KCNN2: variants seen among roughly 807,000 people sequenced by gnomAD.
The protein encoded by KCNN2 is potassium calcium-activated channel subfamily N member 2, also known as small conductance calcium-activated potassium channel protein 2.
In KCNN2, 24 loss-of-function variants were observed where a neutral mutation model predicts 55.5. The ratio of observed to expected loss-of-function variants is 0.43; its 90% CI spans 0.31 to 0.61. The LOEUF (loss-of-function observed/expected upper bound fraction) is 0.61. Ranked by LOEUF, KCNN2 falls within the 20% of genes least tolerant of loss-of-function variation. The pLI is 0.08. For missense variants in KCNN2, 754 were observed against 853.6 expected (o/e 0.88, Z 1.45); for synonymous variants, 431 against 336.1 (o/e 1.28, Z -3.09).
At chr5:114,287,809 AG>A (rs1265834403) in intron 2 of KCNN2, among the ~76,000 whole-genome samples, 16 of 151,826 alleles carry the variant, frequency 1.1e-4, no homozygotes, top group African/African-American at 2.7e-4. Flanking sequence ...CTAACTAGAT[AG>A]GGTTGATGGT....
chr5:114,102,251 A>G (rs1751387908), intron 1 of KCNN2, among the ~76,000 whole-genome samples: 1 of 150,742 alleles, frequency 6.6e-6, no homozygotes, highest in African/African-American at 2.4e-5. Context: ...GTGTCTGTTC[A>G]TATCCTTCAT....
chr5:114,099,046 C>G (rs1056818557), intron 1 of KCNN2, among the ~76,000 whole-genome samples: 1 of 152,112 alleles, frequency 6.6e-6, no homozygotes, highest in African/African-American at 2.4e-5. Flanking sequence ...AGCAATTTTA[C>G]CACATATTAG....
intron 1 of KCNN2, among the ~76,000 whole-genome samples, chr5:114,159,933 G>T (rs1459754781): frequency 6.6e-6 from 1 of 151,982 alleles, no homozygotes; most frequent in Non-Finnish European, 1.5e-5. Flanking sequence ...TATCAATTTT[G>T]TTGATCGTTT....
At chr5:114,137,422 C>T (rs980293931) in intron 1 of KCNN2, among the ~76,000 whole-genome samples, 1 of 152,130 alleles carries the variant, frequency 6.6e-6, no homozygotes, top group Non-Finnish European at 1.5e-5. Context: ...ATGCACACAT[C>T]ACAGGGGGAG....
intron 1 of KCNN2, among the ~76,000 whole-genome samples, chr5:114,185,068 T>A (rs1224931914): frequency 6.6e-6 from 1 of 152,136 alleles, no homozygotes; most frequent in African/African-American, 2.4e-5. Context: ...AAATTCTTGG[T>A]TGTTGATGAA....
chr5:114,487,795 G>A (rs982508553), intron 6 of KCNN2, among the ~76,000 whole-genome samples: 12 of 152,010 alleles, frequency 7.9e-5, no homozygotes, highest in Non-Finnish European at 4.4e-5. Flanking sequence ...TTTCTCCTCC[G>A]GGCTGGCATA....
intron 2 of KCNN2, among the ~76,000 whole-genome samples, chr5:114,243,996 C>A (rs1394912728): frequency 6.6e-6 from 1 of 152,174 alleles, no homozygotes; most frequent in Non-Finnish European, 1.5e-5. Context: ...TGTAAGACAA[C>A]TACAGTAAAT....
At chr5:114,100,642 A>T (rs1442804663) in intron 1 of KCNN2, among the ~76,000 whole-genome samples, 1 of 152,108 alleles carries the variant, frequency 6.6e-6, no homozygotes, top group Admixed American at 6.6e-5. Flanking sequence ...GCCAAGAGGC[A>T]ATGAGTCCCC....
intron 1 of KCNN2, among the ~76,000 whole-genome samples, chr5:114,111,239 C>A (rs1294398491): frequency 1.3e-5 from 2 of 152,146 alleles, no homozygotes; most frequent in Non-Finnish European, 2.9e-5. Flanking sequence ...AAAGGATTCC[C>A]TCTTTAATAA....
exon 1 of KCNN2, chr5:114,056,128 G>C (rs1375513139): frequency 2.6e-6 from 1 of 380,468 alleles, no homozygotes; most frequent in South Asian, 1.5e-4. Context: ...ACCGAAGCAG[G>C]GGCAGCCAGG....
At chr5:114,440,715 A>G (rs146565077) in intron 3 of KCNN2, among the ~76,000 whole-genome samples, 125 of 152,250 alleles carry the variant, frequency 8.2e-4, no homozygotes, top group African/African-American at 3.0e-3. Flanking sequence ...CTAAGTCTAC[A>G]ATCAAGTATG....
At chr5:114,330,134 C>A (rs1756788062) in intron 2 of KCNN2, among the ~76,000 whole-genome samples, 2 of 152,208 alleles carry the variant, frequency 1.3e-5, no homozygotes, top group Admixed American at 1.3e-4. Context: ...ACAACCTTGA[C>A]CTTTTTCTAG....
intron 2 of KCNN2, among the ~76,000 whole-genome samples, chr5:114,294,860 T>C (rs977976484): frequency 1.3e-5 from 2 of 152,190 alleles, no homozygotes; most frequent in African/African-American, 4.8e-5. Context: ...GGTGCTCCTG[T>C]ATTGGGTGCA....
intron 2 of KCNN2, among the ~76,000 whole-genome samples, chr5:114,310,348 C>T (rs550318519): frequency 4.6e-5 from 7 of 152,236 alleles, no homozygotes; most frequent in African/African-American, 1.7e-4. Flanking sequence ...GGCTGCCTTT[C>T]AGAGATGCCT....
intron 3 of KCNN2, among the ~76,000 whole-genome samples, chr5:114,406,097 C>T (rs1758924411): frequency 7.1e-6 from 1 of 141,516 alleles, no homozygotes; most frequent in Non-Finnish European, 1.5e-5. Context: ...ATGAGAGTTG[C>T]TGGAAAAAAA....
chr5:114,425,343 C>T lies in KCNN2; in HGVS notation c.1637+20487C>T, dbSNP rs186639317. Among the ~76,000 whole-genome samples, 273 of 152,282 alleles carry T rather than the reference C, an allele frequency of 1.8e-3. 1 individual carries two copies. Among genetic ancestry groups the T allele is most frequent in the African/African-American group, 6.0e-3 (251 of 41,554 alleles). On this transcript the variant is annotated intron_variant, in intron 3 of 7. Transcript: ENST00000673685. ...TCCCACATTGCTAATTCCATAGGACCTACACCAACAGTCAGAAATTTCTGG... is the reference window on the plus strand; with the variant it reads ...TCCCACATTGCTAATTCCATAGGACTTACACCAACAGTCAGAAATTTCTGG...
At chr5:114,239,256 G>A (rs756686936) in intron 2 of KCNN2, among the ~76,000 whole-genome samples, 5 of 152,034 alleles carry the variant, frequency 3.3e-5, no homozygotes, top group Admixed American at 6.6e-5. Context: ...AGTGATGTGG[G>A]AAATAACTGA....
At chr5:114,470,788 G>T (rs1049558551) in intron 4 of KCNN2, among the ~76,000 whole-genome samples, 2 of 152,102 alleles carry the variant, frequency 1.3e-5, no homozygotes, top group African/African-American at 2.4e-5. Context: ...TATGGAGTTT[G>T]TCATAGTCAC....
At chr5:114,321,938 C>T (rs1756621282) in intron 2 of KCNN2, among the ~76,000 whole-genome samples, 1 of 152,170 alleles carries the variant, frequency 6.6e-6, no homozygotes, top group African/African-American at 2.4e-5. Context: ...GTATGAGTCA[C>T]CACACCTGGC....
Sources: allele counts gnomAD v4.1 joint callset (sites outside exome capture counted in the v4.1 genomes callset), GRCh38; gene constraint gnomAD v4.1.1; transcripts MANE v1.5; gene names NCBI Gene and HGNC (gene_info 2026-07-23, HGNC 2026-07-21).